The following PHLDB2 variants were observed in gnomAD, a reference collection of about 807,000 sequenced individuals.
The protein encoded by PHLDB2 is pleckstrin homology-like domain family B member 2.
A neutral mutation model predicts 123.6 loss-of-function variants in PHLDB2; 71 were observed. The ratio of observed to expected loss-of-function variants is 0.57; its 90% CI spans 0.47 to 0.70. The LOEUF (loss-of-function observed/expected upper bound fraction) is 0.70. PHLDB2 is among the 30% of genes least tolerant of loss of function. PHLDB2 has a pLI of 0.00. For missense variants in PHLDB2, 1,446 were observed against 1,519.5 expected, an observed-to-expected ratio of 0.95 and a Z score of 0.80; for synonymous variants, 547 against 541.6, an observed-to-expected ratio of 1.01 and a Z score of -0.14.
intron 1 of PHLDB2, among the ~76,000 whole-genome samples, chr3:111,768,183 T>C (rs187206183): frequency 1.3e-5 from 2 of 152,060 alleles, no homozygotes. Flanking sequence ...CCCAATTTCG[T>C]TTTAGGTGAC....
intron 1 of PHLDB2, among the ~76,000 whole-genome samples, chr3:111,864,043 A>T (rs1233934426): frequency 6.6e-6 from 1 of 152,156 alleles, no homozygotes; most frequent in African/African-American, 2.4e-5. Context: ...CTTTGGTGGG[A>T]GACATAAAAC....
intron 1 of PHLDB2, among the ~76,000 whole-genome samples, chr3:111,804,644 G>A (rs1331358545): frequency 6.6e-6 from 1 of 152,118 alleles, no homozygotes; most frequent in Admixed American, 6.5e-5. Flanking sequence ...TACTCCATGT[G>A]GATGTCCAGA....
intron 1 of PHLDB2, among the ~76,000 whole-genome samples, chr3:111,822,888 G>GA (rs35370000): frequency 0.17 from 25,054 of 151,178 alleles, 3,450 homozygotes; most frequent in African/African-American, 0.36. Flanking sequence ...TTAGCCCTCG[G>GA]AAAAAAAAAT....
intron 1 of PHLDB2, among the ~76,000 whole-genome samples, chr3:111,741,599 G>A (rs1490215067): frequency 6.6e-6 from 1 of 151,818 alleles, no homozygotes; most frequent in Non-Finnish European, 1.5e-5. Context: ...ATATGAGAAG[G>A]GCATTAAATC....
chr3:111,875,041 T>C (rs1034533425), intron 1 of PHLDB2, among the ~76,000 whole-genome samples: 2 of 152,208 alleles, frequency 1.3e-5, no homozygotes, highest in Non-Finnish European at 2.9e-5. Flanking sequence ...TTCAGATGCA[T>C]AAAGAGTGAA....
chr3:111,822,194 T>C (rs940152360), intron 1 of PHLDB2, among the ~76,000 whole-genome samples: 3 of 152,124 alleles, frequency 2.0e-5, no homozygotes, highest in Non-Finnish European at 2.9e-5. Context: ...AGGTAGTATA[T>C]TTAGGTATTA....
intron 1 of PHLDB2, among the ~76,000 whole-genome samples, chr3:111,880,772 A>G (rs1162975865): frequency 6.6e-6 from 1 of 152,106 alleles, no homozygotes; most frequent in African/African-American, 2.4e-5. Context: ...ATATAAATAA[A>G]TAAAAACAAT....
chr3:111,800,707 A>T (rs1233954039), intron 1 of PHLDB2, among the ~76,000 whole-genome samples: 8 of 152,188 alleles, frequency 5.3e-5, no homozygotes, highest in Non-Finnish European at 1.2e-4. Context: ...GTTACACGTT[A>T]ACTAAGATGC....
chr3:111,738,916 C>T (rs1377770876), intron 1 of PHLDB2, among the ~76,000 whole-genome samples: 2 of 152,118 alleles, frequency 1.3e-5, no homozygotes, highest in African/African-American at 4.8e-5. Context: ...AATGGTACAG[C>T]ACATAGGAGA....
rs116335527 is a variant in PHLDB2, at chr3:111,924,522, G to T, written c.2001+4103G>T. ...CCAAGTTTCAGGACAGCTGGGCTGGGCTGCCCGTGTGCATATGCCAGGAGG... is the reference window on the plus strand; with the variant it reads ...CCAAGTTTCAGGACAGCTGGGCTGGTCTGCCCGTGTGCATATGCCAGGAGG... On this transcript the variant is annotated intron_variant, in intron 5 of 17. Transcript: ENST00000431670. Among the ~76,000 whole-genome samples, 1,364 of 152,358 alleles carry T rather than the reference G, an allele frequency of 9.0e-3. 27 individuals are homozygous for T. The highest frequency in any genetic ancestry group is 0.03 in the African/African-American group (1,265 of 41,588).
At chr3:111,868,532 T>G (rs181737881) in intron 1 of PHLDB2, among the ~76,000 whole-genome samples, 1 of 152,310 alleles carries the variant, frequency 6.6e-6, no homozygotes, top group Non-Finnish European at 1.5e-5. Context: ...TAATTGCATT[T>G]CTGTCTTTTT....
At position 111,952,724 on chromosome 3, in the gene PHLDB2, G is replaced by C; in HGVS notation, c.2772+12G>C. ...GCATCACCCCAAAGGTAGGACCTGG[G>C]AGAAACCACGGGCTTCCCATTCCAT... On this transcript the variant is annotated intron_variant, in intron 11 of 17. Coordinates refer to ENST00000431670, the MANE Select transcript of PHLDB2 (RefSeq NM_001134438.2). The C allele has an allele frequency of 6.8e-6, 11 of 1,606,398 alleles. No individual in the cohort carries two copies. Among genetic ancestry groups the C allele is most frequent in the Non-Finnish European group, 9.3e-6 (11 of 1,178,006 alleles).
intron 1 of PHLDB2, among the ~76,000 whole-genome samples, chr3:111,737,789 G>T (rs1002116222): frequency 6.6e-6 from 1 of 152,054 alleles, no homozygotes; most frequent in African/African-American, 2.4e-5. Context: ...ATGTTTTCAA[G>T]GATTCATTTC....
chr3:111,944,331 A>C (rs546761058), intron 8 of PHLDB2, among the ~76,000 whole-genome samples: 15 of 152,128 alleles, frequency 9.9e-5, no homozygotes, highest in African/African-American at 3.1e-4. Flanking sequence ...CAAACTCATA[A>C]ATTTATATAC....
rs540556635 is a variant in PHLDB2, at chr3:111,930,855, G to T, written c.2002-1414G>T. ...TGTTAGATTGGTATGTGAAGTAGGG[G>T]TCTCAGGTTTATGATTTCTGAATTT... On this transcript the variant is annotated intron_variant, in intron 5 of 17. Transcript: ENST00000431670. 2.0e-5 allele frequency among the ~76,000 whole-genome samples: 3 copies of T among 152,272 alleles called. No homozygotes were observed. The East Asian group carries it at 5.8e-4, about 29-fold the overall frequency.
intron 9 of PHLDB2, 54 bp from the exon 10 acceptor site, chr3:111,948,878 G>C: frequency 1.3e-6 from 2 of 1,570,720 alleles, no homozygotes; most frequent in South Asian, 2.2e-5. Context: ...TAATACTCTC[G>C]CATGCCTCAG....
chr3:111,829,137 A>AAC (rs1340911169), intron 1 of PHLDB2, among the ~76,000 whole-genome samples: 1 of 152,222 alleles, frequency 6.6e-6, no homozygotes, highest in African/African-American at 2.4e-5. Flanking sequence ...AATTAGAGCC[A>AAC]ACACACTAAA....
rs559369878 is a variant in PHLDB2 at position 111,954,164 on chromosome 3, C to G, written c.2872+135C>G. ...GGCCTAATTTTACTCTTAATGTGTTCTCTTTCGGGAGGGATATATAACTTT... is the reference window on the plus strand; with the variant it reads ...GGCCTAATTTTACTCTTAATGTGTTGTCTTTCGGGAGGGATATATAACTTT... On this transcript the variant is annotated intron_variant, in intron 12 of 17. Transcript: ENST00000431670. 8.8e-6 allele frequency: 6 copies of G among 680,580 alleles called. No homozygotes were observed. In the South Asian group the frequency reaches 1.2e-4, roughly 13 times the overall value. The allele number at this position is 680,580 out of a possible 1,614,324, so 42.2% of individuals were successfully genotyped here.
chr3:111,774,249 G>A (rs1361673570), intron 1 of PHLDB2, among the ~76,000 whole-genome samples: 1 of 152,190 alleles, frequency 6.6e-6, no homozygotes, highest in Non-Finnish European at 1.5e-5. Context: ...AGAGGTATCT[G>A]GGTGATGGAT....
Sources: gnomAD v4.1 joint callset for allele counts (sites outside exome capture counted in the v4.1 genomes callset) on GRCh38, gnomAD v4.1.1 for gene constraint, MANE v1.5 for transcripts, NCBI Gene and HGNC (gene_info 2026-07-23, HGNC 2026-07-21) for gene names.